The following TAOK1 variants were observed in gnomAD, a reference collection of about 807,000 sequenced individuals.
The protein encoded by TAOK1 is TAO kinase 1, also known as serine/threonine-protein kinase TAO1.
In TAOK1, 21 loss-of-function variants were observed where a neutral mutation model predicts 138.3. That is an observed-to-expected ratio of 0.15 (90% CI 0.11 to 0.22). The LOEUF (loss-of-function observed/expected upper bound fraction) is 0.22, where lower values mean the gene tolerates loss of function less well. TAOK1 is among the 10% of genes least tolerant of loss of function. TAOK1 has a pLI of 1.00. For missense variants in TAOK1, 651 were observed against 1,227.7 expected (o/e 0.53, Z 7.02); for synonymous variants, 361 against 398.4 (o/e 0.91, Z 1.12).
intron 1 of TAOK1, among the ~76,000 whole-genome samples, chr17:29,408,317 C>T (rs1185034576): frequency 5.9e-5 from 9 of 151,414 alleles, no homozygotes; most frequent in African/African-American, 1.5e-4. Context: ...CGTCTGCCTC[C>T]GGGGCTCAAG....
rs1366905719 is a variant in TAOK1, at chr17:29,481,795, T to TA, written c.564-396dup. Among the ~76,000 whole-genome samples the TA allele has an allele frequency of 2.6e-5, 4 of 151,782 alleles. No homozygotes were observed. The East Asian group carries it at 7.9e-4, about 30-fold the overall frequency. ...TAACACGGTGAAACTCCATCTCTACTAAAAAATACAAAAAATTAGCCAGGC... is the reference window on the plus strand; with the variant it reads ...TAACACGGTGAAACTCCATCTCTACTAAAAAAATACAAAAAATTAGCCAGGC... On this transcript the variant is annotated intron_variant, in intron 7 of 19. Coordinates refer to ENST00000261716, the MANE Select transcript of TAOK1 (RefSeq NM_020791.4).
At chr17:29,490,853 G>A (rs2031283203) in intron 9 of TAOK1, among the ~76,000 whole-genome samples, 1 of 152,158 alleles carries the variant, frequency 6.6e-6, no homozygotes, top group Admixed American at 6.6e-5. Context: ...GCATCCTTTG[G>A]AGGGGAGAAA....
chr17:29,508,313 C>T (rs908066802), intron 14 of TAOK1, among the ~76,000 whole-genome samples, 181 bp downstream of exon 14: 2 of 152,148 alleles, frequency 1.3e-5, no homozygotes, highest in African/African-American at 4.8e-5. Flanking sequence ...GAAAGGGTGG[C>T]ACCTGTGTGT....
At chr17:29,522,053 T>C (rs1441381150) in intron 16 of TAOK1, among the ~76,000 whole-genome samples, 1 of 152,218 alleles carries the variant, frequency 6.6e-6, no homozygotes, top group Non-Finnish European at 1.5e-5. Flanking sequence ...AGTCTTAAGC[T>C]AATGGTAATA....
At chr17:29,475,845 T>C (rs1457275030) in intron 4 of TAOK1, 74 bp downstream of exon 4, 8 of 1,124,876 alleles carry the variant, frequency 7.1e-6, no homozygotes, top group Non-Finnish European at 1.1e-5. Flanking sequence ...GAATATCTCA[T>C]ACTGGTTGTG....
Position 29,467,176 on chromosome 17 carries a change from C to A in TAOK1, c.164C>A (p.Ala55Asp). 1 of 1,604,644 alleles carries A rather than the reference C, an allele frequency of 6.2e-7. No individual in the cohort carries two copies. The highest frequency in any genetic ancestry group is 8.5e-7 in the Non-Finnish European group (1 of 1,174,162). ...ARDVRTNEVV[A>D]IKKMSYSGKQ... ...GATGTGCGTACCAATGAAGTGGTGG[C>A]CATCAAGAAAATGTCTTATAGTGGA... The change falls in exon 3 of 20, where the codon GCC becomes GAC. Residue 55 changes from alanine to aspartate, a missense_variant. Transcript: ENST00000261716.
intron 17 of TAOK1, among the ~76,000 whole-genome samples, chr17:29,529,355 T>A (rs2032065731): frequency 6.6e-6 from 1 of 152,154 alleles, no homozygotes; most frequent in African/African-American, 2.4e-5. Context: ...TTTTAGGGGC[T>A]GAGGTGGGAG....
chr17:29,414,211 T>C (rs570426699), intron 1 of TAOK1, among the ~76,000 whole-genome samples: 1 of 150,682 alleles, frequency 6.6e-6, no homozygotes, highest in East Asian at 2.0e-4. Context: ...CTTAGCATAG[T>C]GTTTTTGGAG....
intron 10 of TAOK1, among the ~76,000 whole-genome samples, chr17:29,493,354 C>T (rs1486928502): frequency 6.6e-6 from 1 of 151,624 alleles, no homozygotes; most frequent in Non-Finnish European, 1.5e-5. Flanking sequence ...ATTAGCCGGA[C>T]GTGGTGGCGC....
rs1380039257 is a variant in TAOK1 at position 29,496,604 on chromosome 17, T to TTA, written c.999+877_999+878insTA. ...CTTTTTTTTTTTTTTTTTTTTTTTT[T>TTA]AAAGACAGGGTCTTGCTCTGTAGCC... On this transcript the variant is annotated intron_variant, in intron 11 of 19. Coordinates refer to ENST00000261716, the MANE Select transcript of TAOK1 (RefSeq NM_020791.4). Among the ~76,000 whole-genome samples the TTA allele has an allele frequency of 6.0e-3, 680 of 113,192 alleles. 4 individuals carry two copies. The highest frequency in any genetic ancestry group is 0.019 in the African/African-American group (654 of 35,076). The allele number at this position is 113,192 out of a possible 152,430, so 74.3% of individuals were successfully genotyped here. A position where few individuals can be genotyped will look rare whatever the true frequency, so the allele number is the denominator to read the frequency against.
chr17:29,420,096 G>A (rs572881308), intron 1 of TAOK1, among the ~76,000 whole-genome samples: 1 of 151,712 alleles, frequency 6.6e-6, no homozygotes, highest in African/African-American at 2.4e-5. Flanking sequence ...CCAGGCTGGG[G>A]TACAGTGGTG....
At chr17:29,410,831 C>T (rs1402306814) in intron 1 of TAOK1, among the ~76,000 whole-genome samples, 1 of 150,884 alleles carries the variant, frequency 6.6e-6, no homozygotes, top group Non-Finnish European at 1.5e-5. Context: ...GACGGGGTTT[C>T]ACCATGTTGG....
At chr17:29,475,275 T>C (rs1251317704) in intron 3 of TAOK1, among the ~76,000 whole-genome samples, 1 of 152,154 alleles carries the variant, frequency 6.6e-6, no homozygotes, top group Non-Finnish European at 1.5e-5. Flanking sequence ...TTTTGACATT[T>C]TATCTAAAAA....
At chr17:29,418,447 C>T (rs1038503973) in intron 1 of TAOK1, among the ~76,000 whole-genome samples, 1 of 152,036 alleles carries the variant, frequency 6.6e-6, no homozygotes, top group African/African-American at 2.4e-5. Flanking sequence ...TCAAGTGATC[C>T]TCCCACCTTG....
chr17:29,454,459 A>G (rs1326074184), intron 2 of TAOK1, among the ~76,000 whole-genome samples: 1 of 151,634 alleles, frequency 6.6e-6, no homozygotes, highest in Non-Finnish European at 1.5e-5. Context: ...TTTCCAGTTG[A>G]CGTGGCTTTT....
intron 5 of TAOK1, 96 bp from the exon 6 acceptor site, chr17:29,478,155 C>CT: frequency 2.8e-6 from 2 of 714,176 alleles, no homozygotes; most frequent in Non-Finnish European, 4.4e-6. Flanking sequence ...TCTCTTCTTG[C>CT]TAAGTATCAG....
intron 2 of TAOK1, among the ~76,000 whole-genome samples, chr17:29,464,447 AAAAAAAAAAAAG>A (rs2030606877): frequency 6.6e-6 from 1 of 151,544 alleles, no homozygotes; most frequent in Non-Finnish European, 1.5e-5. Context: ...CCATCTCAAA[AAAAAAAAAAAAG>A]AAAAAAAAAA....
intron 2 of TAOK1, among the ~76,000 whole-genome samples, chr17:29,460,494 A>G (rs2030506289): frequency 6.6e-6 from 1 of 152,218 alleles, no homozygotes; most frequent in South Asian, 2.1e-4. Flanking sequence ...CCGGCCTGTC[A>G]GTAGTCTTTT....
Position 29,517,560 on chromosome 17 carries a change from T to G in TAOK1, c.1812T>G (p.Leu604=). The G allele has an allele frequency of 6.2e-7, 1 of 1,614,014 alleles. No homozygotes were observed. Among genetic ancestry groups the G allele is most frequent in the South Asian group, 1.1e-5 (1 of 91,078 alleles). The change falls in exon 16 of 20, where the codon CTT becomes CTG. Residue 604 remains leucine, a synonymous_variant. Transcript: ENST00000261716. ...AAGCAGAAGAAGAAGCTAACCTTCT[T>G]CGACGTCAAAGACAATACCTAGAGC... ...HFQAEEEANL[L]RRQRQYLELE... is the part of the protein sequence containing the mutation.
Sources: gnomAD v4.1 joint callset for allele counts (sites outside exome capture counted in the v4.1 genomes callset) on GRCh38, gnomAD v4.1.1 for gene constraint, MANE v1.5 for transcripts, NCBI Gene and HGNC (gene_info 2026-07-23, HGNC 2026-07-21) for gene names.